The following GUCA1B variants were observed in gnomAD, a reference collection of about 807,000 sequenced individuals.
The protein encoded by GUCA1B is guanylyl cyclase-activating protein 2.
In GUCA1B, 22 loss-of-function variants were observed where a neutral mutation model predicts 24.2. That is an observed-to-expected ratio of 0.91 (90% CI 0.65 to 1.30). The LOEUF is 1.30. Ranked by LOEUF, GUCA1B falls within the 50% of genes most tolerant of loss-of-function variation. The pLI is 0.00. For missense variants in GUCA1B, 221 were observed against 258.8 expected (o/e 0.85, Z 1.00); for synonymous variants, 100 against 97.9 (o/e 1.02, Z -0.13).
Position 42,185,775 on chromosome 6 carries a change from G to C in GUCA1B, c.380C>G (p.Ala127Gly), listed in dbSNP as rs750444404. The change falls in exon 3 of 4, where the codon GCC becomes GGC. Residue 127 changes from alanine (A) to glycine (G), a missense_variant. Ala to Gly is a moderately conservative substitution (Grantham distance 60). Transcript: ENST00000230361. ...IVEGIYQLKK[A>G]CRRELQTEQG... Reference sequence around the variant, plus strand: ...CTCAGTTTGTAGCTCTCGCCGGCAGGCTTTCTTCAGCTGGTAAATTCCCTG... The same window carrying C: ...CTCAGTTTGTAGCTCTCGCCGGCAGCCTTTCTTCAGCTGGTAAATTCCCTG... 6.2e-7 allele frequency: 1 copy of C among 1,611,288 alleles called. No homozygotes were observed. The highest frequency in any genetic ancestry group is 1.1e-5 in the South Asian group (1 of 91,026).
chr6:42,188,393 ATC>A (rs1173442896), intron 2 of GUCA1B, among the ~76,000 whole-genome samples, 187 bp downstream of exon 2: 1 of 151,424 alleles, frequency 6.6e-6, no homozygotes, highest in Non-Finnish European at 1.5e-5. Flanking sequence ...TTTTCTAATA[ATC>A]TTTTTTTGAT....
At chr6:42,192,786 G>A (rs1768333133) in intron 1 of GUCA1B, among the ~76,000 whole-genome samples, 1 of 152,132 alleles carries the variant, frequency 6.6e-6, no homozygotes, top group African/African-American at 2.4e-5. Flanking sequence ...AGCTACTTGA[G>A]AGGTTGAGGT....
intron 2 of GUCA1B, among the ~76,000 whole-genome samples, chr6:42,188,348 G>A (rs1310542575): frequency 1.3e-5 from 2 of 151,512 alleles, no homozygotes; most frequent in Non-Finnish European, 2.9e-5. Flanking sequence ...CAGAGTATGT[G>A]GAAGTCTACT....
intron 1 of GUCA1B, among the ~76,000 whole-genome samples, chr6:42,189,584 G>A (rs888348244): frequency 6.6e-6 from 1 of 152,108 alleles, no homozygotes; most frequent in African/African-American, 2.4e-5. Context: ...CCCACTTCTA[G>A]GTCCCAGTGG....
chr6:42,188,493 CA>C, intron 2 of GUCA1B, 88 bp downstream of exon 2: 1 of 1,171,848 alleles, frequency 8.5e-7, no homozygotes, highest in South Asian at 1.2e-5. Context: ...GCCTCTTCTT[CA>C]GTCCCCGCTG....
rs1562064936 is a variant in GUCA1B, at chr6:42,192,395, GAAA to G, written c.207+2216_207+2218del. On this transcript the variant is annotated intron_variant, in intron 1 of 3. Transcript: ENST00000230361. ...AAAAAAAAAAAGAGAGAAAAGAAAA[GAAA>G]AGAAAAGAAAAAGGAAAAAAGAAAG... Among the ~76,000 whole-genome samples the G allele has an allele frequency of 3.2e-4, 34 of 106,428 alleles. 2 individuals carry two copies. The highest frequency in any genetic ancestry group is 1.4e-3 in the African/African-American group (31 of 22,842). The allele number at this position is 106,428 out of a possible 152,430, so 69.8% of individuals were successfully genotyped here.
intron 3 of GUCA1B, among the ~76,000 whole-genome samples, chr6:42,185,231 C>T (rs1768173410): frequency 6.6e-6 from 1 of 152,218 alleles, no homozygotes; most frequent in Non-Finnish European, 1.5e-5. Flanking sequence ...TATTCCAAGC[C>T]AGCTCTCTCC....
intron 1 of GUCA1B, among the ~76,000 whole-genome samples, chr6:42,189,252 A>C (rs895744480): frequency 6.6e-6 from 1 of 152,006 alleles, no homozygotes; most frequent in Non-Finnish European, 1.5e-5. Context: ...TCTATTCTAC[A>C]CAGCTTGGGA....
chr6:42,194,304 TAC>T (rs1768359992), intron 1 of GUCA1B, among the ~76,000 whole-genome samples: 1 of 151,914 alleles, frequency 6.6e-6, no homozygotes, highest in South Asian at 2.1e-4. Flanking sequence ...TGGTCAAAAA[TAC>T]ACAAAGAGAG....
intron 2 of GUCA1B, among the ~76,000 whole-genome samples, chr6:42,187,839 T>C (rs914482790): frequency 1.3e-5 from 2 of 151,684 alleles, no homozygotes; most frequent in African/African-American, 4.8e-5. Context: ...TTTCCTAAGA[T>C]ATATTTTCTT....
chr6:42,188,791 C>T, intron 1 of GUCA1B, 60 bp from the exon 2 acceptor site: 1 of 1,526,246 alleles, frequency 6.6e-7, no homozygotes, highest in Non-Finnish European at 9.0e-7. Flanking sequence ...ATAGGCCATT[C>T]ATCCCTGCAA....
chr6:42,187,928 C>A (rs9462781), intron 2 of GUCA1B, among the ~76,000 whole-genome samples: 48,936 of 151,832 alleles, frequency 0.32, 10,457 homozygotes, highest in African/African-American at 0.61. Flanking sequence ...CTTACTGCAG[C>A]CTTCAACTCC....
intron 1 of GUCA1B, among the ~76,000 whole-genome samples, chr6:42,193,599 T>C (rs1768346676): frequency 6.6e-6 from 1 of 152,216 alleles, no homozygotes; most frequent in Non-Finnish European, 1.5e-5. Flanking sequence ...AGTCCGAAAC[T>C]GGCTCTGTGC....
At position 42,194,710 on chromosome 6, in the gene GUCA1B, G is replaced by A. The variant is rs117959899; in HGVS notation, c.111C>T (p.Leu37=). 1.1e-5 allele frequency: 17 copies of A among 1,613,384 alleles called. No individual in the cohort carries two copies. Among genetic ancestry groups the A allele is most frequent in the Admixed American group, 1.7e-5 (1 of 60,012 alleles). ...AGAAGCGCTTAAACTCATGCATAAA[G>A]AGTGTGCCGCTGGGGCACTCCATCA... is the stretch of plus-strand genomic sequence containing the variant. ...KFVMECPSGT[L]FMHEFKRFFK... Residue 37 remains leucine, a synonymous_variant, in exon 1 of 4, where the codon CTC becomes CTT. Coordinates refer to ENST00000230361, the MANE Select transcript of GUCA1B (RefSeq NM_002098.6).
At chr6:42,194,047 TC>T (rs1768356127) in intron 1 of GUCA1B, among the ~76,000 whole-genome samples, 1 of 152,170 alleles carries the variant, frequency 6.6e-6, no homozygotes, top group South Asian at 2.1e-4. Context: ...AATGAAACCT[TC>T]CAGGACTTGA....
intron 1 of GUCA1B, among the ~76,000 whole-genome samples, chr6:42,191,413 T>C (rs757531681): frequency 9.9e-5 from 15 of 152,156 alleles, no homozygotes; most frequent in Non-Finnish European, 2.2e-4. Flanking sequence ...ACACTTTTGA[T>C]TGGATTTGCT....
intron 1 of GUCA1B, among the ~76,000 whole-genome samples, chr6:42,190,799 A>G (rs1317663362): frequency 6.6e-6 from 1 of 152,088 alleles, no homozygotes. Flanking sequence ...GTGCCAAGAG[A>G]AGAAAAACAA....
At chr6:42,194,486 G>T (rs377203555) in intron 1 of GUCA1B, 128 bp downstream of exon 1, 1 of 726,274 alleles carries the variant, frequency 1.4e-6, no homozygotes, top group Non-Finnish European at 2.5e-6. Flanking sequence ...AAGGTAAAGA[G>T]AGACGGAGTG....
intron 2 of GUCA1B, among the ~76,000 whole-genome samples, chr6:42,187,910 G>T (rs938415993): frequency 3.3e-5 from 5 of 151,678 alleles, no homozygotes; most frequent in African/African-American, 1.2e-4. Context: ...GCAGTGGCAT[G>T]ATCATAGCTT....
Sources: allele counts gnomAD v4.1 joint callset (sites outside exome capture counted in the v4.1 genomes callset), GRCh38; gene constraint gnomAD v4.1.1; transcripts MANE v1.5; gene names NCBI Gene and HGNC (gene_info 2026-07-23, HGNC 2026-07-21).